Variants in SPAG17 observed in about 807,000 individuals in gnomAD.
SPAG17 encodes sperm associated antigen 17, also known as sperm-associated antigen 17.
SPAG17 carries 169 observed loss-of-function variants against 273.6 expected under a neutral mutation model. The observed-to-expected ratio is 0.62, with a 90% CI of 0.55 to 0.70. The LOEUF is 0.70. Among genes scored for constraint, SPAG17 ranks in the 30% least tolerant of loss-of-function variants. The pLI, the probability that SPAG17 is intolerant of heterozygous loss-of-function variation, is 0.00. For missense variants in SPAG17, 2,557 were observed against 2,627.8 expected (o/e 0.97, Z 0.59); for synonymous variants, 825 against 873.2 (o/e 0.94, Z 0.97).
At chr1:118,177,805 T>C (rs986434144) in intron 1 of SPAG17, among the ~76,000 whole-genome samples, 5 of 152,068 alleles carry the variant, frequency 3.3e-5, no homozygotes, top group Middle Eastern at 3.4e-3. Flanking sequence ...ACACCAACAA[T>C]TGGAAAACCT....
intron 47 of SPAG17, 162 bp downstream of exon 47, chr1:117,966,447 T>C: frequency 1.6e-6 from 1 of 637,106 alleles, no homozygotes; most frequent in Non-Finnish European, 2.4e-6. Flanking sequence ...TTTGGCTAGG[T>C]GCTTTCAAAG....
At chr1:118,152,764 T>C (rs896347195) in intron 1 of SPAG17, among the ~76,000 whole-genome samples, 2 of 152,242 alleles carry the variant, frequency 1.3e-5, no homozygotes, top group Non-Finnish European at 2.9e-5. Context: ...CCATTTATTT[T>C]TTAAACATTC....
intron 9 of SPAG17, 101 bp downstream of exon 9, chr1:118,091,829 C>G: frequency 7.4e-7 from 1 of 1,358,498 alleles, no homozygotes; most frequent in Non-Finnish European, 1.1e-6. Context: ...AATGCAGGAG[C>G]TGTAGGTGAA....
At position 118,034,832 on chromosome 1, in the gene SPAG17, T is replaced by C. The variant is rs566134267; in HGVS notation, c.3433+1938A>G. Among the ~76,000 whole-genome samples the C allele has an allele frequency of 5.3e-5, 8 of 152,292 alleles. No individual in the cohort carries two copies. In the South Asian group the frequency reaches 1.7e-3, roughly 32 times the overall value. ...GGCCTGATTAAGATTAAGATTAAGATTCTTAATTTTAGGTATATTCAGTAG... is the reference window on the plus strand; with the variant it reads ...GGCCTGATTAAGATTAAGATTAAGACTCTTAATTTTAGGTATATTCAGTAG... On this transcript the variant is annotated intron_variant, in intron 24 of 48. Coordinates refer to ENST00000336338, the MANE Select transcript of SPAG17 (RefSeq NM_206996.4).
chr1:117,961,515 C>T (rs1653096730), intron 48 of SPAG17: 1 of 152,116 alleles, frequency 6.6e-6, no homozygotes, highest in Admixed American at 6.5e-5. Flanking sequence ...CTTCTTGAGA[C>T]AGTTTTGCTT....
chr1:118,012,486 A>T (rs1659582282), intron 29 of SPAG17, 114 bp from the exon 30 acceptor site: 1 of 1,222,624 alleles, frequency 8.2e-7, no homozygotes, highest in Non-Finnish European at 1.1e-6. Context: ...TTATTTATTT[A>T]TAGGCAAAGT....
At chr1:118,117,801 C>T (rs1268452475) in intron 3 of SPAG17, among the ~76,000 whole-genome samples, 1 of 152,260 alleles carries the variant, frequency 6.6e-6, no homozygotes, top group South Asian at 2.1e-4. Flanking sequence ...GCCAGGCATA[C>T]TTGGCCTCCC....
At chr1:118,095,936 G>A (rs564638315) in intron 7 of SPAG17, among the ~76,000 whole-genome samples, 25 of 152,240 alleles carry the variant, frequency 1.6e-4, no homozygotes, top group African/African-American at 6.0e-4. Flanking sequence ...AAGGGGTGGG[G>A]AGGGGCAAGG....
chr1:118,162,043 A>C (rs1040270290), intron 1 of SPAG17, among the ~76,000 whole-genome samples: 2 of 152,098 alleles, frequency 1.3e-5, no homozygotes, highest in African/African-American at 4.8e-5. Context: ...CATAATTCAC[A>C]TATCTCCTTC....
intron 3 of SPAG17, among the ~76,000 whole-genome samples, chr1:118,138,586 T>C (rs1658490584): frequency 6.6e-6 from 1 of 152,154 alleles, no homozygotes; most frequent in Admixed American, 6.5e-5. Flanking sequence ...CCAAATTTCT[T>C]TGTGAACCAC....
At chr1:118,068,949 T>C (rs1042825746) in intron 17 of SPAG17, among the ~76,000 whole-genome samples, 1 of 152,062 alleles carries the variant, frequency 6.6e-6, no homozygotes, top group Non-Finnish European at 1.5e-5. Flanking sequence ...TCCGAAAAGA[T>C]GAAATTAATG....
chr1:117,989,092 T>C (rs1006667105), intron 38 of SPAG17, among the ~76,000 whole-genome samples: 8 of 152,184 alleles, frequency 5.3e-5, no homozygotes, highest in African/African-American at 1.7e-4. Context: ...CGTTGCCAGA[T>C]AAAGTATAGG....
chr1:118,001,150 C>T (rs115725301), intron 32 of SPAG17, among the ~76,000 whole-genome samples: 395 of 152,278 alleles, frequency 2.6e-3, no homozygotes, highest in Non-Finnish European at 4.7e-3. Context: ...GTTGAACCAG[C>T]CTTGCATCCT....
At chr1:118,099,521 T>C in intron 6 of SPAG17, 85 bp downstream of exon 6, 6 of 1,230,838 alleles carry the variant, frequency 4.9e-6, no homozygotes, top group Admixed American at 2.0e-5. Context: ...TGTAAGACTA[T>C]GTTTTGGACA....
At chr1:118,175,140 C>T (rs2102401220) in intron 1 of SPAG17, among the ~76,000 whole-genome samples, 2 of 152,286 alleles carry the variant, frequency 1.3e-5, no homozygotes, top group South Asian at 2.1e-4. Flanking sequence ...AAGCAATTCT[C>T]CTGCCTCAGC....
intron 32 of SPAG17, among the ~76,000 whole-genome samples, chr1:118,001,671 T>C (rs376587960): frequency 2.6e-5 from 4 of 151,872 alleles, no homozygotes; most frequent in African/African-American, 9.7e-5. Context: ...GTCATATCTC[T>C]TTTATCATTT....
chr1:118,060,201 G>C (rs1212152743), intron 18 of SPAG17, among the ~76,000 whole-genome samples: 1 of 151,712 alleles, frequency 6.6e-6, no homozygotes, highest in Non-Finnish European at 1.5e-5. Context: ...GTTTATTATA[G>C]ATTTTTGCTT....
chr1:118,025,210 G>T, intron 27 of SPAG17, 28 bp downstream of exon 27: 2 of 1,608,772 alleles, frequency 1.2e-6, no homozygotes, highest in Non-Finnish European at 1.7e-6. Flanking sequence ...GAACAGGGAA[G>T]AATAATTTCT....
chr1:118,071,383 C>T (rs980562369), intron 17 of SPAG17, among the ~76,000 whole-genome samples: 3 of 152,130 alleles, frequency 2.0e-5, no homozygotes, highest in Non-Finnish European at 4.4e-5. Flanking sequence ...AATGCAGTGG[C>T]TCACACCTGT....
Sources: allele counts gnomAD v4.1 joint callset (sites outside exome capture counted in the v4.1 genomes callset), GRCh38; gene constraint gnomAD v4.1.1; transcripts MANE v1.5; gene names NCBI Gene and HGNC (gene_info 2026-07-23, HGNC 2026-07-21).